MAP1LC3B2: variants seen among roughly 807,000 people sequenced by gnomAD.
The protein encoded by MAP1LC3B2 is microtubule-associated protein 1 light chain 3 beta 2.
For synonymous variants in MAP1LC3B2, 62 were observed against 57.8 expected, an observed-to-expected ratio of 1.07 and a Z score of -0.33; for missense variants, 155 against 154.6, an observed-to-expected ratio of 1.00 and a Z score of -0.01.
At chr12:116,562,316 T>A (rs2136958897) in intron 1 of MAP1LC3B2, among the ~76,000 whole-genome samples, 1 of 152,348 alleles carries the variant, frequency 6.6e-6, no homozygotes, top group East Asian at 1.9e-4. Context: ...GCAAGTTCCG[T>A]GAAACAATAA....
At chr12:116,565,322 G>A (rs1473580141) in intron 1 of MAP1LC3B2, among the ~76,000 whole-genome samples, 1 of 152,198 alleles carries the variant, frequency 6.6e-6, no homozygotes, top group Non-Finnish European at 1.5e-5. Flanking sequence ...CAATCATGGT[G>A]GAAGGCAAAG....
Position 116,575,850 on chromosome 12 carries a change from G to A in MAP1LC3B2, c.-93G>A, listed in dbSNP as rs1869656644. On this transcript the variant is annotated 5_prime_UTR_variant, in exon 2 of 2. Coordinates refer to ENST00000556529, the MANE Select transcript of MAP1LC3B2 (RefSeq NM_001085481.3). ...TTATTGTGCAAAAATAGCCTTACAC[G>A]GCCACAGTCGGATTCGCTGCCGCAG... is the stretch of plus-strand genomic sequence containing the variant. 6.7e-7 allele frequency: 1 copy of A among 1,485,108 alleles called. No individual in the cohort carries two copies. Among genetic ancestry groups the A allele is most frequent in the Non-Finnish European group, 9.3e-7 (1 of 1,072,898 alleles). 92.0% of individuals were successfully genotyped at this position (1,485,108 alleles called of 1,614,324 possible).
rs892026485 is a variant in MAP1LC3B2 at position 116,569,488 on chromosome 12, T to C, written c.-101-6354T>C. On this transcript the variant is annotated intron_variant, in intron 1 of 1. Transcript: ENST00000556529. Reference sequence around the variant, plus strand: ...GGCAATGTACTTAACATCTGTTTCATTGGCAAAACTGTAAATCCTTCAAGG... The same window carrying C: ...GGCAATGTACTTAACATCTGTTTCACTGGCAAAACTGTAAATCCTTCAAGG... Among the ~76,000 whole-genome samples the C allele has an allele frequency of 1.6e-4, 24 of 152,362 alleles. 1 individual carries two copies. In the South Asian group the frequency reaches 2.3e-3, roughly 14 times the overall value.
intron 1 of MAP1LC3B2, among the ~76,000 whole-genome samples, chr12:116,564,780 A>G (rs1202439268): frequency 2.0e-5 from 3 of 152,050 alleles, no homozygotes; most frequent in African/African-American, 4.8e-5. Flanking sequence ...TTCAACCTCC[A>G]TATATTATAA....
intron 1 of MAP1LC3B2, among the ~76,000 whole-genome samples, chr12:116,566,566 T>C (rs1869389233): frequency 7.0e-6 from 1 of 143,590 alleles, no homozygotes. Context: ...CATACCCATT[T>C]CAGAGATGAA....
intron 1 of MAP1LC3B2, among the ~76,000 whole-genome samples, chr12:116,563,762 T>C (rs1869324829): frequency 6.6e-6 from 1 of 152,324 alleles, no homozygotes; most frequent in East Asian, 1.9e-4. Flanking sequence ...TATTGTTGCA[T>C]AGGCCCCTGA....
chr12:116,572,667 G>A (rs1204000175), intron 1 of MAP1LC3B2, among the ~76,000 whole-genome samples: 1 of 152,218 alleles, frequency 6.6e-6, no homozygotes, highest in East Asian at 1.9e-4. Flanking sequence ...CCCAGCCAAG[G>A]CATGCCTCAG....
chr12:116,566,640 CAA>C (rs1869394000), intron 1 of MAP1LC3B2, among the ~76,000 whole-genome samples: 1 of 54,620 alleles, frequency 1.8e-5, no homozygotes, highest in Non-Finnish European at 3.8e-5. Context: ...AAAAAAAAAA[CAA>C]GAATTGAGGC....
intron 1 of MAP1LC3B2, among the ~76,000 whole-genome samples, chr12:116,574,656 A>G (rs200398099): frequency 2.6e-5 from 1 of 38,424 alleles, no homozygotes; most frequent in African/African-American, 6.4e-5. Context: ...AAAAAGAAAG[A>G]AAAAAAAAAA....
Position 116,568,279 on chromosome 12 carries a change from A to G in MAP1LC3B2, c.-101-7563A>G, listed in dbSNP as rs532751799. 2.1e-3 allele frequency among the ~76,000 whole-genome samples: 321 copies of G among 152,326 alleles called. 3 individuals are homozygous for G. Among genetic ancestry groups the G allele is most frequent in the Middle Eastern group, 0.01 (3 of 294 alleles). ...CACAGACACGTACACACAATTTGGC[A>G]TATCTTTTCAAGTGAGCGAATGCCC... is the stretch of plus-strand genomic sequence containing the variant. On this transcript the variant is annotated intron_variant, in intron 1 of 1. Coordinates refer to ENST00000556529, the MANE Select transcript of MAP1LC3B2 (RefSeq NM_001085481.3).
intron 1 of MAP1LC3B2, among the ~76,000 whole-genome samples, chr12:116,561,691 G>A (rs1364999732): frequency 6.6e-6 from 1 of 152,194 alleles, no homozygotes; most frequent in African/African-American, 2.4e-5. Flanking sequence ...GCTGGATCCT[G>A]GTTCTGCCCC....
chr12:116,562,314 C>T (rs934019978), intron 1 of MAP1LC3B2, among the ~76,000 whole-genome samples: 4 of 152,160 alleles, frequency 2.6e-5, no homozygotes, highest in Non-Finnish European at 5.9e-5. Context: ...TCGCAAGTTC[C>T]GTGAAACAAT....
chr12:116,560,188 C>CCATATA lies in MAP1LC3B2; in HGVS notation c.-102+755_-102+756insCATATA, dbSNP rs1491120344. 70 of 88,410 alleles carry CCATATA rather than the reference C, an allele frequency of 7.9e-4. 3 individuals are homozygous for CCATATA. Among genetic ancestry groups the CCATATA allele is most frequent in the Non-Finnish European group, 1.1e-3 (47 of 42,974 alleles). 5.5% of individuals were successfully genotyped at this position (88,410 alleles called of 1,614,324 possible). A position where few individuals can be genotyped will look rare whatever the true frequency, so the allele number is the denominator to read the frequency against. ...GGCTCTGAAATAAAGCTAAGTTTGG[C>CCATATA]TATATATATATATATATATATATAT... On this transcript the variant is annotated intron_variant, in intron 1 of 1. Coordinates refer to ENST00000556529, the MANE Select transcript of MAP1LC3B2 (RefSeq NM_001085481.3).
chr12:116,562,470 A>G (rs1869295818), intron 1 of MAP1LC3B2, among the ~76,000 whole-genome samples: 1 of 152,230 alleles, frequency 6.6e-6, no homozygotes, highest in African/African-American at 2.4e-5. Flanking sequence ...GAGTAACTTA[A>G]TCACTTGCAT....
chr12:116,566,891 A>G (rs1869399707), intron 1 of MAP1LC3B2, among the ~76,000 whole-genome samples: 2 of 125,014 alleles, frequency 1.6e-5, no homozygotes, highest in South Asian at 3.0e-4. Flanking sequence ...AGATCGTGCC[A>G]CTGCATTCCA....
Position 116,573,549 on chromosome 12 carries a change from G to A in MAP1LC3B2, c.-101-2293G>A, listed in dbSNP as rs569821141. 7.2e-5 allele frequency among the ~76,000 whole-genome samples: 11 copies of A among 151,856 alleles called. No homozygotes were observed. In the South Asian group the frequency reaches 1.5e-3, roughly 20 times the overall value. The stretch of plus-strand genomic sequence containing the variant: ...TTTATTATTTTTTTGAGACAGAGTC[G>A]CTCTGTCGCCAGGCTAGAGTGCAGT... On this transcript the variant is annotated intron_variant, in intron 1 of 1. Coordinates refer to ENST00000556529, the MANE Select transcript of MAP1LC3B2 (RefSeq NM_001085481.3).
chr12:116,576,350 T>G lies in MAP1LC3B2; in HGVS notation c.*30T>G. 6.3e-7 allele frequency: 1 copy of G among 1,589,284 alleles called. No individual in the cohort carries two copies. The highest frequency in any genetic ancestry group is 8.5e-7 in the Non-Finnish European group (1 of 1,172,562). ...AGAAAAAATGCATCTCTTCTAGAAT[T>G]TTTTAAACCCTTACCAAGGAAAAAA... On this transcript the variant is annotated 3_prime_UTR_variant, in exon 2 of 2. Coordinates refer to ENST00000556529, the MANE Select transcript of MAP1LC3B2 (RefSeq NM_001085481.3).
rs551387648 is a variant in MAP1LC3B2 at position 116,564,605 on chromosome 12, A to G, written c.-102+5172A>G. 7.2e-5 allele frequency among the ~76,000 whole-genome samples: 11 copies of G among 152,098 alleles called. No individual in the cohort carries two copies. In the South Asian group the frequency reaches 2.1e-3, roughly 29 times the overall value. On this transcript the variant is annotated intron_variant, in intron 1 of 1. Transcript: ENST00000556529. ...GAGCTCTTGGAATTATTCAGCTTAT[A>G]CCTCTCCAATAGCAGTTCCTTGACA... is the stretch of plus-strand genomic sequence containing the variant.
intron 1 of MAP1LC3B2, among the ~76,000 whole-genome samples, chr12:116,569,714 C>G (rs1869481116): frequency 6.6e-6 from 1 of 152,068 alleles, no homozygotes; most frequent in African/African-American, 2.4e-5. Context: ...AAATGCAAAT[C>G]AAAGAAATGG....
Sources: allele counts gnomAD v4.1 joint callset (sites outside exome capture counted in the v4.1 genomes callset), GRCh38; gene constraint gnomAD v4.1.1; transcripts MANE v1.5; gene names NCBI Gene and HGNC (gene_info 2026-07-23, HGNC 2026-07-21).